The following UGCG variants were observed in gnomAD, a reference collection of about 807,000 sequenced individuals.
UGCG encodes UDP-glucose ceramide glucosyltransferase.
Under a neutral mutation model 49.5 loss-of-function variants are expected in UGCG, and 10 were observed. The ratio of observed to expected loss-of-function variants is 0.20; its 90% CI spans 0.12 to 0.34. UGCG has a LOEUF of 0.34. UGCG is among the 10% of genes least tolerant of loss of function. The probability of loss-of-function intolerance (pLI) is 1.00; values close to 1 mark genes in which losing one functional copy is unlikely to be tolerated. For synonymous variants in UGCG, 182 were observed against 158.2 expected (o/e 1.15, Z -1.13); for missense variants, 312 against 483.7 (o/e 0.65, Z 3.33).
At chr9:111,923,943 C>A (rs1564203975) in intron 3 of UGCG, among the ~76,000 whole-genome samples, 1 of 152,080 alleles carries the variant, frequency 6.6e-6, no homozygotes, top group Non-Finnish European at 1.5e-5. Context: ...TCAGGCACCA[C>A]CACGCTCAGC....
Position 111,904,828 on chromosome 9 carries a change from C to T in UGCG, c.98+7515C>T, listed in dbSNP as rs117073699. 5.0e-3 allele frequency among the ~76,000 whole-genome samples: 767 copies of T among 152,250 alleles called. 10 individuals carry two copies. In the East Asian group the frequency reaches 0.058, roughly 11 times the overall value. On this transcript the variant is annotated intron_variant, in intron 1 of 8. Coordinates refer to ENST00000374279, the MANE Select transcript of UGCG (RefSeq NM_003358.3). ...AGTGAGCCAAGGTTGTGCCATTGCT[C>T]TCCAGCCTGGGCAACAAGAGCAAAA... is the stretch of plus-strand genomic sequence containing the variant.
At chr9:111,921,989 T>G (rs776890003) in intron 2 of UGCG, among the ~76,000 whole-genome samples, 23 of 151,556 alleles carry the variant, frequency 1.5e-4, no homozygotes, top group Non-Finnish European at 2.4e-4. Flanking sequence ...TTTTAAAAAT[T>G]TTTTGTAGAG....
chr9:111,907,526 A>G (rs1837909956), intron 1 of UGCG, among the ~76,000 whole-genome samples: 1 of 151,984 alleles, frequency 6.6e-6, no homozygotes, highest in Non-Finnish European at 1.5e-5. Flanking sequence ...ATGCTTGGAA[A>G]TTTTTTAATA....
At chr9:111,897,783 G>T (rs1837692012) in intron 1 of UGCG, among the ~76,000 whole-genome samples, 3 of 151,870 alleles carry the variant, frequency 2.0e-5, no homozygotes, top group Admixed American at 2.0e-4. Flanking sequence ...GGCTCTATGC[G>T]CTTAGATAGG....
chr9:111,899,373 T>C (rs1837726184), intron 1 of UGCG, among the ~76,000 whole-genome samples: 1 of 152,264 alleles, frequency 6.6e-6, no homozygotes, highest in South Asian at 2.1e-4. Context: ...TTTCTGTTTC[T>C]ATTTTCATTC....
chr9:111,921,916 A>G (rs1352578258), intron 2 of UGCG, among the ~76,000 whole-genome samples: 2 of 146,730 alleles, frequency 1.4e-5, no homozygotes, highest in South Asian at 2.2e-4. Flanking sequence ...GGCTCAAGCA[A>G]TCCTCCCACC....
intron 1 of UGCG, among the ~76,000 whole-genome samples, chr9:111,897,907 T>A (rs1837694885): frequency 6.6e-6 from 1 of 150,836 alleles, no homozygotes; most frequent in Non-Finnish European, 1.5e-5. Flanking sequence ...TTTTTTCAGT[T>A]CCTCGTTTTA....
Position 111,914,581 on chromosome 9 carries a change from ATTTTTAT to A in UGCG, c.99-23_99-17del. ...GACACTAATGTATTCTATAGAAATA[ATTTTTAT>A]ATCATTTGCTTTTTAGCCGATTACA... On this transcript the variant is annotated splice_polypyrimidine_tract_variant and intron_variant, in intron 1 of 8. Coordinates refer to ENST00000374279, the MANE Select transcript of UGCG (RefSeq NM_003358.3). 6.2e-7 allele frequency: 1 copy of A among 1,610,034 alleles called. No homozygotes were observed.
chr9:111,922,821 T>G, intron 2 of UGCG, 28 bp from the exon 3 acceptor site: 1 of 1,530,706 alleles, frequency 6.5e-7, no homozygotes. Context: ...TTAAAGAATT[T>G]AATTTACATA....
At chr9:111,906,847 TA>T (rs1174377556) in intron 1 of UGCG, among the ~76,000 whole-genome samples, 3 of 152,244 alleles carry the variant, frequency 2.0e-5, no homozygotes, top group Non-Finnish European at 2.9e-5. Context: ...TCTTAACTTC[TA>T]TAAATACAAA....
chr9:111,917,274 A>G (rs1446837125), intron 2 of UGCG, among the ~76,000 whole-genome samples: 1 of 152,244 alleles, frequency 6.6e-6, no homozygotes, highest in African/African-American at 2.4e-5. Context: ...AGTACCTGCA[A>G]TCTAAGGGAA....
chr9:111,902,782 CTT>C (rs532533671), intron 1 of UGCG, among the ~76,000 whole-genome samples: 5 of 145,880 alleles, frequency 3.4e-5, no homozygotes, highest in African/African-American at 7.5e-5. Context: ...GAAATTCTCT[CTT>C]TTTTTTTTTT....
At chr9:111,909,244 ACT>A (rs1268714864) in intron 1 of UGCG, among the ~76,000 whole-genome samples, 1 of 150,266 alleles carries the variant, frequency 6.7e-6, no homozygotes, top group African/African-American at 2.5e-5. Flanking sequence ...GACCTTGGAA[ACT>A]CTTCTTTATT....
At chr9:111,914,913 AG>A in intron 2 of UGCG, 167 bp downstream of exon 2, 10 of 952,570 alleles carry the variant, frequency 1.0e-5, no homozygotes, top group Non-Finnish European at 1.5e-5. Context: ...GAACAGAAAT[AG>A]GTTGAGGAAG....
chr9:111,930,066 C>T (rs888522271), intron 6 of UGCG, among the ~76,000 whole-genome samples: 1 of 152,116 alleles, frequency 6.6e-6, no homozygotes, highest in Non-Finnish European at 1.5e-5. Flanking sequence ...GATCTGCCCA[C>T]CTCGGCCTCC....
intron 1 of UGCG, among the ~76,000 whole-genome samples, chr9:111,902,182 A>C (rs1281279745): frequency 6.6e-6 from 1 of 151,976 alleles, no homozygotes; most frequent in African/African-American, 2.4e-5. Flanking sequence ...TTAGTTCCTT[A>C]TTGGGTTAGG....
At chr9:111,918,038 A>T (rs1838141622) in intron 2 of UGCG, among the ~76,000 whole-genome samples, 1 of 151,706 alleles carries the variant, frequency 6.6e-6, no homozygotes, top group Non-Finnish European at 1.5e-5. Context: ...GCAATTATAG[A>T]ATTGATTTTT....
At chr9:111,904,025 T>G (rs143301674) in intron 1 of UGCG, among the ~76,000 whole-genome samples, 51 of 152,242 alleles carry the variant, frequency 3.3e-4, no homozygotes, top group African/African-American at 1.2e-3. Context: ...CAGGCATCAG[T>G]ATTTTCAAAA....
intron 1 of UGCG, among the ~76,000 whole-genome samples, chr9:111,903,852 T>C (rs947166240): frequency 2.6e-5 from 4 of 152,192 alleles, no homozygotes; most frequent in East Asian, 1.9e-4. Context: ...TGCCTCGGCC[T>C]CCACAGGTGC....
Sources: allele counts gnomAD v4.1 joint callset (sites outside exome capture counted in the v4.1 genomes callset), GRCh38; gene constraint gnomAD v4.1.1; transcripts MANE v1.5; gene names NCBI Gene and HGNC (gene_info 2026-07-23, HGNC 2026-07-21).